RBFOX1: variants seen among roughly 807,000 people sequenced by gnomAD.
The protein encoded by RBFOX1 is RNA binding fox-1 homolog 1.
Under a neutral mutation model 57.7 loss-of-function variants are expected in RBFOX1, and 8 were observed. The ratio of observed to expected loss-of-function variants is 0.14; its 90% CI spans 0.08 to 0.25. The LOEUF (loss-of-function observed/expected upper bound fraction) is 0.25, where lower values mean the gene tolerates loss of function less well. Among genes scored for constraint, RBFOX1 ranks in the 10% least tolerant of loss-of-function variants. The pLI is 1.00. For missense variants in RBFOX1, 611 were observed against 548.5 expected (o/e 1.11, Z -1.14); for synonymous variants, 326 against 222.4 (o/e 1.47, Z -4.15).
chr16:6,900,027 C>T (rs1437705535), intron 3 of RBFOX1, among the ~76,000 whole-genome samples: 2 of 152,144 alleles, frequency 1.3e-5, no homozygotes, highest in African/African-American at 2.4e-5. Flanking sequence ...ATGCTCATAG[C>T]ATCAACTTCT....
intron 1 of RBFOX1, among the ~76,000 whole-genome samples, chr16:6,077,096 C>T (rs2095914179): frequency 6.6e-6 from 1 of 152,054 alleles, no homozygotes; most frequent in African/African-American, 2.4e-5. Flanking sequence ...TCTGTGGTGT[C>T]CTTTAGAGGG....
chr16:5,299,567 G>C (rs1471652002), intron 1 of RBFOX1, among the ~76,000 whole-genome samples: 2 of 152,108 alleles, frequency 1.3e-5, no homozygotes, highest in African/African-American at 4.8e-5. Context: ...AGTTCCAATT[G>C]TTTCATGTTC....
intron 3 of RBFOX1, among the ~76,000 whole-genome samples, chr16:7,004,656 G>A (rs1032908859): frequency 6.6e-6 from 1 of 152,112 alleles, no homozygotes; most frequent in Admixed American, 6.6e-5. Context: ...CCATTGTCTG[G>A]GCATTTTTTC....
At chr16:7,085,097 T>TTGTG (rs113032117) in intron 4 of RBFOX1, among the ~76,000 whole-genome samples, 1 of 151,268 alleles carries the variant, frequency 6.6e-6, no homozygotes, top group Non-Finnish European at 1.5e-5. Context: ...GTATCTAAAG[T>TTGTG]TGTGTGTGTG....
At chr16:5,830,287 G>A (rs1294469486) in intron 3 of RBFOX1, among the ~76,000 whole-genome samples, 2 of 152,066 alleles carry the variant, frequency 1.3e-5, no homozygotes, top group Non-Finnish European at 2.9e-5. Flanking sequence ...GTTGGAGGTG[G>A]AATCATTTTA....
chr16:6,793,204 T>C (rs2083309651), intron 3 of RBFOX1, among the ~76,000 whole-genome samples: 1 of 152,150 alleles, frequency 6.6e-6, no homozygotes, highest in African/African-American at 2.4e-5. Flanking sequence ...ACAGTATAAT[T>C]TTTAAAAAGG....
intron 3 of RBFOX1, among the ~76,000 whole-genome samples, chr16:6,851,385 G>C (rs574736809): frequency 4.6e-5 from 7 of 152,012 alleles, no homozygotes; most frequent in Non-Finnish European, 2.9e-5. Context: ...GTTACCCCTG[G>C]AGCAATAAGA....
intron 3 of RBFOX1, among the ~76,000 whole-genome samples, chr16:7,027,692 G>A (rs2041389167): frequency 1.3e-5 from 2 of 152,266 alleles, no homozygotes; most frequent in East Asian, 1.9e-4. Context: ...CCAGACAGAA[G>A]AGGAATAGTC....
intron 4 of RBFOX1, among the ~76,000 whole-genome samples, chr16:7,354,143 G>A (rs987374619): frequency 4.0e-5 from 6 of 151,844 alleles, no homozygotes. Flanking sequence ...GCTAATTTTT[G>A]TAGTTTTAGT....
rs919836658 is a variant in RBFOX1, at chr16:5,772,900, G to C, written c.319-94403G>C. ...GTAGACCAGTAAGATGAGGGAGCTG[G>C]TTTTGCAGACATTGGAGGAAGAATG... On this transcript the variant is annotated intron_variant, in intron 3 of 19. Transcript: ENST00000641259. Among the ~76,000 whole-genome samples, 12 of 152,164 alleles carry C rather than the reference G, an allele frequency of 7.9e-5. 1 individual carries two copies. The East Asian group carries it at 2.3e-3, about 29-fold the overall frequency.
intron 1 of RBFOX1, among the ~76,000 whole-genome samples, chr16:5,454,645 G>T (rs2068523782): frequency 6.6e-6 from 1 of 152,016 alleles, no homozygotes; most frequent in African/African-American, 2.4e-5. Context: ...ACTCTACCTG[G>T]GTCTCTATTT....
intron 3 of RBFOX1, among the ~76,000 whole-genome samples, chr16:6,992,815 A>T (rs1568268648): frequency 7.0e-6 from 1 of 141,900 alleles, no homozygotes; most frequent in African/African-American, 2.6e-5. Context: ...CATGGCCCAG[A>T]AAGGCTGATT....
chr16:6,801,814 A>G (rs2085531417), intron 3 of RBFOX1, among the ~76,000 whole-genome samples: 1 of 152,120 alleles, frequency 6.6e-6, no homozygotes, highest in Non-Finnish European at 1.5e-5. Flanking sequence ...TCCAAAGATT[A>G]TATACCTTCT....
intron 4 of RBFOX1, among the ~76,000 whole-genome samples, chr16:7,287,276 C>T (rs1263680377): frequency 2.6e-5 from 4 of 152,206 alleles, no homozygotes; most frequent in East Asian, 1.9e-4. Flanking sequence ...GAGGTTTTCC[C>T]GACAAAGATG....
intron 2 of RBFOX1, among the ~76,000 whole-genome samples, chr16:5,481,987 T>C (rs1392920126): frequency 6.6e-6 from 1 of 152,172 alleles, no homozygotes; most frequent in African/African-American, 2.4e-5. Flanking sequence ...TACTGGGACT[T>C]AGAGCTTGAA....
chr16:6,787,825 T>C (rs1277901331), intron 3 of RBFOX1, among the ~76,000 whole-genome samples: 2 of 152,214 alleles, frequency 1.3e-5, no homozygotes, highest in East Asian at 3.8e-4. Flanking sequence ...TCTACTGAAA[T>C]AGAAGTATAT....
chr16:6,564,241 A>C (rs754534620), intron 2 of RBFOX1, among the ~76,000 whole-genome samples: 3 of 152,194 alleles, frequency 2.0e-5, no homozygotes, highest in Non-Finnish European at 4.4e-5. Flanking sequence ...GAAACTCAAG[A>C]GCATCATGTA....
At chr16:6,314,455 A>G (rs921070758) in intron 1 of RBFOX1, among the ~76,000 whole-genome samples, 2 of 152,228 alleles carry the variant, frequency 1.3e-5, no homozygotes, top group African/African-American at 4.8e-5. Context: ...TGAAAGTTAC[A>G]GAGAGCACGC....
At chr16:5,789,419 G>A (rs928901067) in intron 3 of RBFOX1, among the ~76,000 whole-genome samples, 1 of 152,084 alleles carries the variant, frequency 6.6e-6, no homozygotes, top group East Asian at 1.9e-4. Flanking sequence ...CCGCATATTT[G>A]TGTATATTTA....
Sources: allele counts gnomAD v4.1 joint callset (sites outside exome capture counted in the v4.1 genomes callset), GRCh38; gene constraint gnomAD v4.1.1; transcripts MANE v1.5; gene names NCBI Gene and HGNC (gene_info 2026-07-23, HGNC 2026-07-21).